Variants in AP3B1 observed in about 807,000 individuals in gnomAD.
AP3B1 encodes the protein adaptor related protein complex 3 subunit beta 1.
Under a neutral mutation model 132.5 loss-of-function variants are expected in AP3B1, and 61 were observed. The observed-to-expected ratio is 0.46, with a 90% CI of 0.37 to 0.57. AP3B1 has a LOEUF of 0.57. Ranked by LOEUF, AP3B1 falls within the 20% of genes least tolerant of loss-of-function variation. AP3B1 has a pLI of 0.00. For missense variants in AP3B1, 1,120 were observed against 1,289.4 expected (o/e 0.87, Z 2.01); for synonymous variants, 388 against 438.3 (o/e 0.89, Z 1.43).
At chr5:78,105,376 C>T (rs1751291388) in intron 20 of AP3B1, among the ~76,000 whole-genome samples, 1 of 152,064 alleles carries the variant, frequency 6.6e-6, no homozygotes, top group South Asian at 2.1e-4. Context: ...ATCCTGGAAA[C>T]TTTAAAAGCA....
intron 24 of AP3B1, 111 bp from the exon 25 acceptor site, chr5:78,020,900 C>G: frequency 1.1e-6 from 1 of 876,834 alleles, no homozygotes; most frequent in Non-Finnish European, 1.8e-6. Flanking sequence ...AGTATAAGAC[C>G]TTTTTGGTTT....
At chr5:78,004,060 G>A (rs980673785) in intron 26 of AP3B1, among the ~76,000 whole-genome samples, 7 of 152,116 alleles carry the variant, frequency 4.6e-5, no homozygotes, top group South Asian at 2.1e-4. Context: ...ACACTAACAA[G>A]TGTAGAGCAG....
At chr5:78,174,748 C>T (rs572542066) in intron 11 of AP3B1, among the ~76,000 whole-genome samples, 1 of 152,364 alleles carries the variant, frequency 6.6e-6, no homozygotes, top group South Asian at 2.1e-4. Context: ...AGAACCACTG[C>T]TCTCTTCAGA....
At position 78,020,519 on chromosome 5, in the gene AP3B1, A is replaced by G. The variant is rs568222722; in HGVS notation, c.2992+173T>C. On this transcript the variant is annotated intron_variant, in intron 25 of 26. Transcript: ENST00000255194. ...ATTTTCAAGTATGCCAGGAATATAGACAAACATCTGTTTTTAAGGTTGTAA... is the reference window on the plus strand; with the variant it reads ...ATTTTCAAGTATGCCAGGAATATAGGCAAACATCTGTTTTTAAGGTTGTAA... Among the ~76,000 whole-genome samples the G allele has an allele frequency of 7.2e-5, 11 of 152,272 alleles. 1 individual carries two copies. The East Asian group carries it at 1.9e-3, about 27-fold the overall frequency.
chr5:78,169,961 G>A (rs1743840065), intron 11 of AP3B1, among the ~76,000 whole-genome samples: 1 of 152,002 alleles, frequency 6.6e-6, no homozygotes, highest in Non-Finnish European at 1.5e-5. Context: ...CTGTGTCCAA[G>A]TGTTCTCATT....
At chr5:78,232,246 G>C (rs985309964) in intron 3 of AP3B1, among the ~76,000 whole-genome samples, 1 of 152,178 alleles carries the variant, frequency 6.6e-6, no homozygotes, top group African/African-American at 2.4e-5. Context: ...ATTCCTCGGA[G>C]AGACAGGTTT....
intron 2 of AP3B1, among the ~76,000 whole-genome samples, chr5:78,264,767 A>G (rs1206894616): frequency 6.6e-6 from 1 of 152,260 alleles, no homozygotes; most frequent in Non-Finnish European, 1.5e-5. Flanking sequence ...ACTATTTATT[A>G]CAGTCATTAA....
At chr5:78,103,133 ATTTCATT>A (rs1751196600) in intron 20 of AP3B1, among the ~76,000 whole-genome samples, 1 of 152,314 alleles carries the variant, frequency 6.6e-6, no homozygotes, top group South Asian at 2.1e-4. Context: ...TTCCTCTTAT[ATTTCATT>A]TTTCATTTTA....
chr5:78,189,219 G>T (rs1375989202), intron 7 of AP3B1, among the ~76,000 whole-genome samples: 2 of 151,694 alleles, frequency 1.3e-5, no homozygotes, highest in African/African-American at 4.8e-5. Context: ...CATGTACCCT[G>T]GAACTTAAAA....
chr5:78,291,809 T>C (rs548353443), intron 1 of AP3B1, among the ~76,000 whole-genome samples: 2 of 152,318 alleles, frequency 1.3e-5, no homozygotes, highest in South Asian at 4.1e-4. Flanking sequence ...AAAAACACTT[T>C]ATTGGAACAA....
chr5:78,167,076 A>T, intron 11 of AP3B1, among the ~76,000 whole-genome samples: 1 of 152,236 alleles, frequency 6.6e-6, no homozygotes, highest in East Asian at 1.9e-4. Context: ...AGAGTGGGAG[A>T]AAATCTTCAC....
In AP3B1 at chr5:78,177,959, C is replaced by A. The variant is rs548612652; in HGVS notation, c.943-523G>T. Among the ~76,000 whole-genome samples, 27 of 152,220 alleles carry A rather than the reference C, an allele frequency of 1.8e-4. 1 individual carries two copies. In the South Asian group the frequency reaches 5.6e-3, roughly 32 times the overall value. Reference sequence around the variant, plus strand: ...CAGAATAAATTTCTGTTGTTTTAATCCACTCAGTTTGTGGCAATATGTATG... The same window carrying A: ...CAGAATAAATTTCTGTTGTTTTAATACACTCAGTTTGTGGCAATATGTATG... On this transcript the variant is annotated intron_variant, in intron 8 of 26. Coordinates refer to ENST00000255194, the MANE Select transcript of AP3B1 (RefSeq NM_003664.5).
intron 7 of AP3B1, among the ~76,000 whole-genome samples, chr5:78,191,921 C>G (rs182898266): frequency 6.2e-4 from 94 of 152,180 alleles, no homozygotes; most frequent in African/African-American, 2.1e-3. Flanking sequence ...AGTGCAATGG[C>G]GCGATCTCGG....
At chr5:78,185,945 T>C (rs1454923189) in intron 7 of AP3B1, among the ~76,000 whole-genome samples, 1 of 152,008 alleles carries the variant, frequency 6.6e-6, no homozygotes, top group Non-Finnish European at 1.5e-5. Flanking sequence ...TAAGCAAAGA[T>C]GGAATTCTAA....
chr5:78,039,964 G>A (rs1748002893), intron 22 of AP3B1, among the ~76,000 whole-genome samples: 1 of 150,290 alleles, frequency 6.7e-6, no homozygotes, highest in African/African-American at 2.4e-5. Flanking sequence ...TTTCTTATTG[G>A]TTTTAACAGT....
At chr5:78,205,676 G>A (rs73134790) in intron 7 of AP3B1, among the ~76,000 whole-genome samples, 1,570 of 152,126 alleles carry the variant, frequency 0.01, 33 homozygotes, top group African/African-American at 0.036. Flanking sequence ...AACATGGCTA[G>A]AACTGTTCAA....
At chr5:78,016,811 A>C (rs936381235) in intron 25 of AP3B1, among the ~76,000 whole-genome samples, 1 of 152,096 alleles carries the variant, frequency 6.6e-6, no homozygotes, top group African/African-American at 2.4e-5. Flanking sequence ...GTTTAACTTC[A>C]ATATTAGGCA....
chr5:78,052,000 T>A (rs1367028412), intron 22 of AP3B1, among the ~76,000 whole-genome samples: 1 of 151,390 alleles, frequency 6.6e-6, no homozygotes, highest in Non-Finnish European at 1.5e-5. Flanking sequence ...ATTAACCTAG[T>A]ATTGACCTAG....
intron 22 of AP3B1, among the ~76,000 whole-genome samples, chr5:78,076,171 A>G (rs1272726704): frequency 6.6e-6 from 1 of 152,230 alleles, no homozygotes; most frequent in Admixed American, 6.5e-5. Context: ...CAAATGGGCA[A>G]AACTGTTACA....
Sources: gnomAD v4.1 joint callset for allele counts (sites outside exome capture counted in the v4.1 genomes callset) on GRCh38, gnomAD v4.1.1 for gene constraint, MANE v1.5 for transcripts, NCBI Gene and HGNC (gene_info 2026-07-23, HGNC 2026-07-21) for gene names.